DAB1: variants seen among roughly 807,000 people sequenced by gnomAD.
DAB1 encodes DAB adaptor protein 1.
In DAB1, 15 loss-of-function variants were observed where a neutral mutation model predicts 64.6. The ratio of observed to expected loss-of-function variants is 0.23; its 90% CI spans 0.16 to 0.36. The LOEUF is 0.36. Among genes scored for constraint, DAB1 ranks in the 10% least tolerant of loss-of-function variants. DAB1 has a pLI of 1.00. For synonymous variants in DAB1, 235 were observed against 251.9 expected (o/e 0.93, Z 0.64); for missense variants, 596 against 706.7 (o/e 0.84, Z 1.78).
chr1:57,717,091 T>C (rs1647092772), intron 6 of DAB1, among the ~76,000 whole-genome samples: 1 of 151,568 alleles, frequency 6.6e-6, no homozygotes, highest in Admixed American at 6.6e-5. Context: ...ATACAAAAAT[T>C]AGCTGGGTGT....
At chr1:58,530,504 A>C in intron 1 of DAB1, 1 of 698,064 alleles carries the variant, frequency 1.4e-6, no homozygotes, top group Non-Finnish European at 2.5e-6. Flanking sequence ...ATTTCATAGT[A>C]AAATGTAAAA....
chr1:58,242,915 T>C (rs1465528378), intron 4 of DAB1, among the ~76,000 whole-genome samples: 2 of 151,760 alleles, frequency 1.3e-5, no homozygotes, highest in Non-Finnish European at 2.9e-5. Flanking sequence ...CATAAGCAAA[T>C]GGCTGATATC....
chr1:57,826,484 G>A (rs1286610793), intron 1 of DAB1: 1 of 152,268 alleles, frequency 6.6e-6, no homozygotes, highest in East Asian at 1.9e-4. Flanking sequence ...TTAGCCAAAA[G>A]GAAGAGAGGG....
intron 5 of DAB1, among the ~76,000 whole-genome samples, chr1:57,891,400 A>C (rs569372095): frequency 6.6e-6 from 1 of 152,342 alleles, no homozygotes; most frequent in South Asian, 2.1e-4. Context: ...ACGCTTTCAC[A>C]CTGTTGGTGG....
intron 3 of DAB1, among the ~76,000 whole-genome samples, chr1:58,474,625 T>C (rs908636437): frequency 1.3e-5 from 2 of 152,140 alleles, no homozygotes; most frequent in East Asian, 1.9e-4. Flanking sequence ...GATTGGCTCA[T>C]TGCAAAGGGA....
intron 6 of DAB1, among the ~76,000 whole-genome samples, chr1:57,694,140 G>A (rs938695101): frequency 6.6e-6 from 1 of 152,174 alleles, no homozygotes; most frequent in Admixed American, 6.6e-5. Context: ...TAGTGATCAA[G>A]TTTCATTCCT....
At position 57,577,433 on chromosome 1, in the gene DAB1, C is replaced by G. The variant is rs116407026; in HGVS notation, n.625+72159G>C. On this transcript the variant is annotated intron_variant and non_coding_transcript_variant, in intron 7 of 20. Coordinates refer to the DAB1 transcript ENST00000485760. ...GGCTTCCTAAAAAAAAAAAAACAGGCCTTTTCAAAATTCAGTTGTTCACAG... is the reference window on the plus strand; with the variant it reads ...GGCTTCCTAAAAAAAAAAAAACAGGGCTTTTCAAAATTCAGTTGTTCACAG... Among the ~76,000 whole-genome samples, 1,231 of 151,992 alleles carry G rather than the reference C, an allele frequency of 8.1e-3. 15 individuals carry two copies. Among genetic ancestry groups the G allele is most frequent in the African/African-American group, 0.028 (1,179 of 41,454 alleles).
At chr1:57,400,963 A>C (rs1408745013) in intron 1 of DAB1, among the ~76,000 whole-genome samples, 1 of 150,928 alleles carries the variant, frequency 6.6e-6, no homozygotes, top group Non-Finnish European at 1.5e-5. Flanking sequence ...CAGTCTCTAA[A>C]CACCAGTGAG....
chr1:57,704,878 T>TTTCCTTCCTTCCTTCC (rs57907821), intron 6 of DAB1, among the ~76,000 whole-genome samples: 27 of 146,368 alleles, frequency 1.8e-4, no homozygotes, highest in African/African-American at 6.8e-4. Flanking sequence ...GGAAATTTCT[T>TTTCCTTCCTTCCTTCC]TTCCTTCCTT....
At chr1:57,022,002 A>T (rs1377934558) in intron 11 of DAB1, among the ~76,000 whole-genome samples, 1 of 151,948 alleles carries the variant, frequency 6.6e-6, no homozygotes, top group Non-Finnish European at 1.5e-5. Flanking sequence ...TGTCCCTATC[A>T]CTTCTCATTT....
At chr1:57,215,908 G>A (rs1426209652) in intron 2 of DAB1, among the ~76,000 whole-genome samples, 1 of 152,160 alleles carries the variant, frequency 6.6e-6, no homozygotes, top group African/African-American at 2.4e-5. Context: ...TCCTCTTTGT[G>A]ATCAGCATGT....
intron 4 of DAB1, among the ~76,000 whole-genome samples, chr1:58,231,836 G>C (rs150664449): frequency 6.6e-6 from 1 of 152,332 alleles, no homozygotes; most frequent in East Asian, 1.9e-4. Context: ...TTATGTACTA[G>C]CTGCACATTT....
chr1:57,742,593 G>T (rs1190742413), intron 6 of DAB1, among the ~76,000 whole-genome samples: 1 of 152,130 alleles, frequency 6.6e-6, no homozygotes, highest in Non-Finnish European at 1.5e-5. Context: ...TGGGCCTACA[G>T]ACGGGAAATT....
intron 1 of DAB1, among the ~76,000 whole-genome samples, chr1:57,837,027 C>G (rs1263706379): frequency 6.6e-6 from 1 of 152,174 alleles, no homozygotes; most frequent in Non-Finnish European, 1.5e-5. Flanking sequence ...TAATCCATCA[C>G]AAAACCCAAA....
intron 6 of DAB1, among the ~76,000 whole-genome samples, chr1:57,803,114 T>G (rs1336014573): frequency 6.6e-6 from 1 of 152,164 alleles, no homozygotes; most frequent in Non-Finnish European, 1.5e-5. Flanking sequence ...GAAAGAATGT[T>G]TAAGCTGTCT....
chr1:57,029,241 C>A (rs1180486130), intron 9 of DAB1, among the ~76,000 whole-genome samples: 2 of 152,208 alleles, frequency 1.3e-5, no homozygotes, highest in African/African-American at 4.8e-5. Flanking sequence ...GTCTTGGCAA[C>A]TTCCATGTGG....
chr1:57,250,728 C>T (rs1334642003), intron 2 of DAB1, among the ~76,000 whole-genome samples: 2 of 152,148 alleles, frequency 1.3e-5, no homozygotes, highest in Admixed American at 6.5e-5. Context: ...CAGCTGTTCA[C>T]TAGTTTATTA....
chr1:58,197,371 T>C (rs1219634772), intron 4 of DAB1, among the ~76,000 whole-genome samples: 1 of 151,676 alleles, frequency 6.6e-6, no homozygotes, highest in Non-Finnish European at 1.5e-5. Context: ...CTTTATGGTA[T>C]TAGAAGAAAC....
At chr1:58,484,785 T>A (rs1645546348) in intron 3 of DAB1, among the ~76,000 whole-genome samples, 1 of 152,152 alleles carries the variant, frequency 6.6e-6, no homozygotes, top group Admixed American at 6.5e-5. Flanking sequence ...CTTAAACGTA[T>A]ATTGCTAAGA....
Sources: gnomAD v4.1 joint callset for allele counts (sites outside exome capture counted in the v4.1 genomes callset) on GRCh38, gnomAD v4.1.1 for gene constraint, MANE v1.5 for transcripts, NCBI Gene and HGNC (gene_info 2026-07-23, HGNC 2026-07-21) for gene names.